Variants in KCNT2 observed in about 807,000 individuals in gnomAD.
KCNT2 encodes potassium sodium-activated channel subfamily T member 2, also known as potassium channel subfamily T member 2.
In KCNT2, 67 loss-of-function variants were observed where a neutral mutation model predicts 153.8. That is an observed-to-expected ratio of 0.44 (90% CI 0.36 to 0.53). The LOEUF (loss-of-function observed/expected upper bound fraction) is 0.53. Among genes scored for constraint, KCNT2 ranks in the 20% least tolerant of loss-of-function variants. The probability of loss-of-function intolerance (pLI) is 0.00; values close to 1 mark genes in which losing one functional copy is unlikely to be tolerated. For synonymous variants in KCNT2, 500 were observed against 458.8 expected (o/e 1.09, Z -1.15); for missense variants, 975 against 1,354.8 (o/e 0.72, Z 4.40).
At chr1:196,602,042 C>G (rs1664781619) in intron 1 of KCNT2, among the ~76,000 whole-genome samples, 1 of 151,896 alleles carries the variant, frequency 6.6e-6, no homozygotes, top group Admixed American at 6.6e-5. Context: ...TAAAAAAAAT[C>G]CCATATCCAA....
intron 20 of KCNT2, chr1:196,317,036 A>G: frequency 4.8e-6 from 1 of 208,742 alleles, no homozygotes; most frequent in South Asian, 6.5e-5. Context: ...TTTAAATTGA[A>G]GAGTGAAGTC....
At chr1:196,410,593 T>C (rs896667052) in intron 12 of KCNT2, among the ~76,000 whole-genome samples, 19 of 151,322 alleles carry the variant, frequency 1.3e-4, no homozygotes, top group Non-Finnish European at 2.5e-4. Flanking sequence ...AATAAAATTA[T>C]ACAGATCTCT....
rs555818250 is a variant in KCNT2, at chr1:196,457,927, A to G, written c.638+7366T>C. 2.6e-5 allele frequency among the ~76,000 whole-genome samples: 4 copies of G among 152,006 alleles called. No individual in the cohort carries two copies. The South Asian group carries it at 6.2e-4, about 24-fold the overall frequency. ...ATAGATTTGAGCTCTTTGCAGTGATAAAAACCAGAATTAGAAGATAAGGCT... is the reference window on the plus strand; with the variant it reads ...ATAGATTTGAGCTCTTTGCAGTGATGAAAACCAGAATTAGAAGATAAGGCT... On this transcript the variant is annotated intron_variant, in intron 8 of 27. Coordinates refer to ENST00000294725, the MANE Select transcript of KCNT2 (RefSeq NM_198503.5).
chr1:196,390,751 A>G (rs1670411064), intron 13 of KCNT2, among the ~76,000 whole-genome samples: 1 of 151,400 alleles, frequency 6.6e-6, no homozygotes, highest in Non-Finnish European at 1.5e-5. Flanking sequence ...GGATGCATAC[A>G]CATGTATTTG....
intron 12 of KCNT2, among the ~76,000 whole-genome samples, chr1:196,401,597 G>A (rs187696414): frequency 2.8e-4 from 43 of 151,786 alleles, no homozygotes; most frequent in Admixed American, 8.6e-4. Flanking sequence ...CAGAAGAAAG[G>A]AGTCAGTGAA....
At chr1:196,276,726 A>T (rs1057289032) in intron 25 of KCNT2, among the ~76,000 whole-genome samples, 1 of 152,050 alleles carries the variant, frequency 6.6e-6, no homozygotes, top group African/African-American at 2.4e-5. Flanking sequence ...CTACTCTTAC[A>T]CAACTTTGCT....
intron 25 of KCNT2, among the ~76,000 whole-genome samples, chr1:196,280,364 T>C (rs576255835): frequency 1.3e-5 from 2 of 152,342 alleles, no homozygotes; most frequent in South Asian, 2.1e-4. Context: ...ACTACTCTTA[T>C]ACTCAGAGTT....
At chr1:196,513,462 C>G (rs1190700462) in intron 1 of KCNT2, among the ~76,000 whole-genome samples, 1 of 152,186 alleles carries the variant, frequency 6.6e-6, no homozygotes, top group East Asian at 1.9e-4. Flanking sequence ...TTCTGATTTG[C>G]TGGGGATAAT....
rs1052556587 is a variant in KCNT2 at position 196,366,558 on chromosome 1, G to A, written c.1403+6582C>T. 2.6e-5 allele frequency among the ~76,000 whole-genome samples: 4 copies of A among 152,072 alleles called. 1 individual carries two copies. The highest frequency in any genetic ancestry group is 2.6e-4 in the Admixed American group (4 of 15,248). On this transcript the variant is annotated intron_variant, in intron 14 of 27. Coordinates refer to ENST00000294725, the MANE Select transcript of KCNT2 (RefSeq NM_198503.5). ...TGGAAAACTTATATCTCAGATATGTGCATAATTATTACTTTAATTTGCTCA... is the reference window on the plus strand; with the variant it reads ...TGGAAAACTTATATCTCAGATATGTACATAATTATTACTTTAATTTGCTCA...
At chr1:196,465,443 G>T in intron 7 of KCNT2, 56 bp from the exon 8 acceptor site, 2 of 921,312 alleles carry the variant, frequency 2.2e-6, no homozygotes, top group Non-Finnish European at 3.6e-6. Context: ...ATATGCATGA[G>T]TTTCATTACA....
intron 26 of KCNT2, among the ~76,000 whole-genome samples, chr1:196,252,559 G>A (rs1003536767): frequency 1.6e-4 from 24 of 151,444 alleles, no homozygotes; most frequent in African/African-American, 5.6e-4. Flanking sequence ...AGTTATTATA[G>A]CCAGACATTT....
chr1:196,376,138 T>C (rs1668948116), intron 13 of KCNT2, among the ~76,000 whole-genome samples: 1 of 151,904 alleles, frequency 6.6e-6, no homozygotes, highest in South Asian at 2.1e-4. Context: ...CAATACATTA[T>C]AATAGCCAAA....
At chr1:196,530,377 T>A (rs1572737517) in intron 1 of KCNT2, among the ~76,000 whole-genome samples, 1 of 151,974 alleles carries the variant, frequency 6.6e-6, no homozygotes, top group African/African-American at 2.4e-5. Context: ...TTTAACTAAC[T>A]GTTCAGTAAA....
At chr1:196,297,030 A>C (rs540547016) in intron 22 of KCNT2, among the ~76,000 whole-genome samples, 1 of 152,140 alleles carries the variant, frequency 6.6e-6, no homozygotes, top group Non-Finnish European at 1.5e-5. Flanking sequence ...TTGTCATCCT[A>C]GATGATACTT....
chr1:196,322,066 C>T (rs1208870539), intron 19 of KCNT2, among the ~76,000 whole-genome samples: 1 of 151,778 alleles, frequency 6.6e-6, no homozygotes, highest in African/African-American at 2.4e-5. Context: ...TGTCCTTTTC[C>T]TACATTATGT....
intron 1 of KCNT2, among the ~76,000 whole-genome samples, chr1:196,516,701 A>G (rs1418131705): frequency 6.6e-6 from 1 of 152,052 alleles, no homozygotes; most frequent in South Asian, 2.1e-4. Flanking sequence ...CAAGCAGGGT[A>G]CCTAGCCACC....
intron 25 of KCNT2, among the ~76,000 whole-genome samples, chr1:196,265,065 C>G (rs1404482453): frequency 6.6e-6 from 1 of 152,158 alleles, no homozygotes; most frequent in Non-Finnish European, 1.5e-5. Flanking sequence ...AGTTGTAGCC[C>G]TTTCAATACC....
intron 13 of KCNT2, among the ~76,000 whole-genome samples, chr1:196,381,478 T>A (rs528795650): frequency 1.3e-5 from 2 of 152,174 alleles, no homozygotes; most frequent in East Asian, 3.9e-4. Flanking sequence ...ATATATATTA[T>A]TAAACCTCTC....
At chr1:196,382,486 A>T (rs1021758686) in intron 13 of KCNT2, among the ~76,000 whole-genome samples, 1 of 152,110 alleles carries the variant, frequency 6.6e-6, no homozygotes, top group African/African-American at 2.4e-5. Flanking sequence ...CGTAAAAATA[A>T]AATTGGAGAG....
Sources: allele counts gnomAD v4.1 joint callset (sites outside exome capture counted in the v4.1 genomes callset), GRCh38; gene constraint gnomAD v4.1.1; transcripts MANE v1.5; gene names NCBI Gene and HGNC (gene_info 2026-07-23, HGNC 2026-07-21).